SCN9A: variants seen among roughly 807,000 people sequenced by gnomAD.
The protein encoded by SCN9A is sodium channel protein type 9 subunit alpha.
In SCN9A, 131 loss-of-function variants were observed where a neutral mutation model predicts 187.0. The observed-to-expected ratio is 0.70, with a 90% confidence interval of 0.61 to 0.81. The LOEUF is 0.81. Ranked by LOEUF, SCN9A falls within the 30% of genes least tolerant of loss-of-function variation. The pLI is 0.00. For missense variants in SCN9A, 2,252 were observed against 2,396.6 expected (o/e 0.94, Z 1.26); for synonymous variants, 809 against 808.6 (o/e 1.00, Z -0.01).
At chr2:166,343,015 G>C (rs1997291) in intron 1 of SCN9A, among the ~76,000 whole-genome samples, 58,507 of 152,048 alleles carry the variant, frequency 0.38, 12,633 homozygotes, top group Non-Finnish European at 0.48. Flanking sequence ...TTCAACATCA[G>C]ATTAATTGAA....
At chr2:166,360,549 A>G (rs1700259296) in intron 1 of SCN9A, among the ~76,000 whole-genome samples, 1 of 152,174 alleles carries the variant, frequency 6.6e-6, no homozygotes, top group African/African-American at 2.4e-5. Flanking sequence ...ACATGTATCC[A>G]CTTCCCTCAA....
intron 1 of SCN9A, among the ~76,000 whole-genome samples, chr2:166,365,327 C>CA (rs1700388647): frequency 1.3e-5 from 2 of 151,982 alleles, no homozygotes; most frequent in Admixed American, 1.3e-4. Flanking sequence ...CAAAAAAAGA[C>CA]AAAAACATTA....
intron 17 of SCN9A, 42 bp from the exon 18 acceptor site, chr2:166,251,927 G>T: frequency 6.2e-7 from 1 of 1,605,868 alleles, no homozygotes; most frequent in South Asian, 1.1e-5. Context: ...TTCATTTAGA[G>T]TTCATTCAAA....
intron 15 of SCN9A, chr2:166,277,916 G>A (rs965767623): frequency 1.8e-4 from 80 of 455,582 alleles, no homozygotes; most frequent in Admixed American, 6.5e-4. Flanking sequence ...TTATATTAGC[G>A]TGTACTTCAA....
chr2:166,273,424 C>T (rs1008893604), intron 16 of SCN9A, among the ~76,000 whole-genome samples: 7 of 150,688 alleles, frequency 4.6e-5, no homozygotes, highest in African/African-American at 1.2e-4. Flanking sequence ...GTCCAAGAAG[C>T]GTGCTAGAAT....
chr2:166,222,070 T>G (rs932214550), intron 24 of SCN9A, among the ~76,000 whole-genome samples: 4 of 152,198 alleles, frequency 2.6e-5, no homozygotes, highest in African/African-American at 7.2e-5. Context: ...AATGATTTCT[T>G]GGCAATGACT....
chr2:166,222,951 AAAAAAAAAAAAAAAAAAAAAACAGCAAC>A (rs1425132692), intron 24 of SCN9A, among the ~76,000 whole-genome samples: 18 of 118,494 alleles, frequency 1.5e-4, no homozygotes, highest in Admixed American at 1.4e-3. Flanking sequence ...ACAACAAAAA[AAAAAAAAAAAAAAAAAAAAAACAGCAAC>A]AAAAAACCGT....
chr2:166,281,561 A>T (rs960734675), intron 13 of SCN9A, 118 bp downstream of exon 13: 103 of 886,186 alleles, frequency 1.2e-4, no homozygotes, highest in Admixed American at 2.1e-4. Flanking sequence ...ACCATCATTT[A>T]AAACCATTTT....
intron 17 of SCN9A, among the ~76,000 whole-genome samples, chr2:166,252,438 G>T (rs1696086856): frequency 6.6e-6 from 1 of 151,822 alleles, no homozygotes; most frequent in Non-Finnish European, 1.5e-5. Flanking sequence ...TATGTAGCAG[G>T]ATGATATAGA....
chr2:166,305,042 C>G (rs569594721), intron 5 of SCN9A, among the ~76,000 whole-genome samples: 1 of 151,932 alleles, frequency 6.6e-6, no homozygotes, highest in African/African-American at 2.4e-5. Flanking sequence ...AAGGAGGGAG[C>G]CTGATGGAAA....
intron 19 of SCN9A, 24 bp from the exon 20 acceptor site, chr2:166,238,291 C>G: frequency 1.4e-6 from 2 of 1,407,864 alleles, no homozygotes; most frequent in African/African-American, 1.4e-5. Context: ...ATTCAAGTTT[C>G]AATCATGCAC....
In SCN9A at chr2:166,307,049, T is replaced by C. The variant is rs1167782552; in HGVS notation, c.284A>G (p.Lys95Arg). The part of the protein sequence containing the change: ...KKTFIVLNKG[K>R]TIFRFNATPA... ...TGTGGCATTGAAACGGAAGATTGTT[T>C]TCCCTTTGTTCAATACTATGAAAGT... Residue 95 changes from lysine (K) to arginine (R), a missense_variant, in exon 3 of 27, where the codon AAA (lysine) becomes AGA (arginine). By Grantham distance (26) the Lys-to-Arg change is conservative. Coordinates refer to ENST00000642356, the MANE Select transcript of SCN9A (RefSeq NM_001365536.1). 6.2e-7 allele frequency: 1 copy of C among 1,608,248 alleles called. No individual in the cohort carries two copies. Among genetic ancestry groups the C allele is most frequent in the African/African-American group, 1.3e-5 (1 of 74,772 alleles).
intron 9 of SCN9A, among the ~76,000 whole-genome samples, chr2:166,291,531 A>G (rs184874362): frequency 3.9e-5 from 6 of 152,354 alleles, no homozygotes; most frequent in Admixed American, 3.9e-4. Flanking sequence ...TGCTAGTCCC[A>G]TCAAATTACC....
In SCN9A at chr2:166,344,474, G is replaced by A. The variant is rs566719571; in HGVS notation, c.-51+31223C>T. On this transcript the variant is annotated intron_variant, in intron 1 of 26. Coordinates refer to ENST00000642356, the MANE Select transcript of SCN9A (RefSeq NM_001365536.1). ...CTAAGGACTTGTAATTTGTACATTC[G>A]CTTAGAAAATAGTCCTTCAAGTCAT... Among the ~76,000 whole-genome samples the A allele has an allele frequency of 4.6e-4, 70 of 152,144 alleles. No homozygotes were observed. In the South Asian group the frequency reaches 9.1e-3, roughly 20 times the overall value.
intron 1 of SCN9A, among the ~76,000 whole-genome samples, chr2:166,374,112 C>T (rs1180162780): frequency 6.6e-6 from 1 of 152,110 alleles, no homozygotes; most frequent in Admixed American, 6.5e-5. Flanking sequence ...GAAAGGAGGC[C>T]CAAGATGCTT....
At chr2:166,246,912 C>T (rs1006881642) in intron 18 of SCN9A, among the ~76,000 whole-genome samples, 1 of 151,874 alleles carries the variant, frequency 6.6e-6, no homozygotes, top group Non-Finnish European at 1.5e-5. Context: ...AGTGATGGAG[C>T]GCCTGTCTGG....
chr2:166,340,546 C>A lies in SCN9A; in HGVS notation c.-50-28740G>T, dbSNP rs1396013214. On this transcript the variant is annotated intron_variant, in intron 1 of 26. Coordinates refer to ENST00000642356, the MANE Select transcript of SCN9A (RefSeq NM_001365536.1). ...TCTCTCCTTTCTTTTCTTTCCCTTT[C>A]TTTCTTTCTTTCTTTCTTTCTTTCT... 5.1e-4 allele frequency among the ~76,000 whole-genome samples: 21 copies of A among 41,136 alleles called. 2 individuals carry two copies. Among genetic ancestry groups the A allele is most frequent in the African/African-American group, 2.5e-3 (20 of 7,918 alleles). The allele number at this position is 41,136 out of a possible 152,430, so 27.0% of individuals were successfully genotyped here. A position where few individuals can be genotyped will look rare whatever the true frequency, so the allele number is the denominator to read the frequency against.
intron 12 of SCN9A, among the ~76,000 whole-genome samples, chr2:166,283,947 G>T (rs966834512): frequency 2.6e-5 from 4 of 152,044 alleles, no homozygotes; most frequent in Non-Finnish European, 5.9e-5. Context: ...GTAAAACAGA[G>T]ATAATAATGT....
chr2:166,196,750 T>A lies in SCN9A; in HGVS notation c.*1922A>T, dbSNP rs1693258125. On this transcript the variant is annotated 3_prime_UTR_variant, in exon 27 of 27. Coordinates refer to ENST00000642356, the MANE Select transcript of SCN9A (RefSeq NM_001365536.1). ...GTATGTGATAAAATGATCTATGTAG[T>A]CTCGGAAAACACTGCATGGTGTCTT... 1 of 152,090 alleles carries A rather than the reference T, an allele frequency of 6.6e-6. No homozygotes were observed. The highest frequency in any genetic ancestry group is 2.4e-5 in the African/African-American group (1 of 41,430). The allele number at this position is 152,090 out of a possible 1,614,324, so 9.4% of individuals were successfully genotyped here.
Sources: gnomAD v4.1 joint callset for allele counts (sites outside exome capture counted in the v4.1 genomes callset) on GRCh38, gnomAD v4.1.1 for gene constraint, MANE v1.5 for transcripts, NCBI Gene and HGNC (gene_info 2026-07-23, HGNC 2026-07-21) for gene names.